The following INSYN2B variants were observed in gnomAD, a reference collection of about 807,000 sequenced individuals.
The protein encoded by INSYN2B is protein INSYN2B.
INSYN2B carries 16 observed loss-of-function variants against 41.2 expected under a neutral mutation model. The observed-to-expected ratio is 0.39, with a 90% CI of 0.26 to 0.59. The LOEUF (loss-of-function observed/expected upper bound fraction) is 0.59, where lower values mean the gene tolerates loss of function less well. Among genes scored for constraint, INSYN2B ranks in the 20% least tolerant of loss-of-function variants. The pLI is 0.57. For synonymous variants in INSYN2B, 245 were observed against 244.4 expected (o/e 1.00, Z -0.02); for missense variants, 608 against 646.4 (o/e 0.94, Z 0.64).
intron 1 of INSYN2B, among the ~76,000 whole-genome samples, chr5:169,935,636 T>C (rs577421089): frequency 1.4e-4 from 22 of 152,294 alleles, no homozygotes; most frequent in African/African-American, 5.1e-4. Context: ...AAGGTCTTCA[T>C]AGTGAGGTGG....
chr5:169,911,246 A>G (rs963046462), intron 1 of INSYN2B, among the ~76,000 whole-genome samples: 2 of 152,340 alleles, frequency 1.3e-5, no homozygotes, highest in Middle Eastern at 6.8e-3. Flanking sequence ...AAGGATGATC[A>G]TTATTAGAGT....
chr5:169,929,613 C>T (rs1775644773), intron 1 of INSYN2B, among the ~76,000 whole-genome samples: 1 of 151,928 alleles, frequency 6.6e-6, no homozygotes, highest in East Asian at 1.9e-4. Flanking sequence ...TGTGGTGGCA[C>T]ATGCCTGTAG....
rs979020225 is a variant in INSYN2B, at chr5:169,864,481, G to A, written c.1422-22C>T. 4.0e-6 allele frequency: 6 copies of A among 1,493,260 alleles called. No individual in the cohort carries two copies. In the South Asian group the frequency reaches 5.3e-5, roughly 13 times the overall value. 92.5% of individuals were successfully genotyped at this position (1,493,260 alleles called of 1,614,324 possible). The stretch of plus-strand genomic sequence containing the variant: ...TACACTGAAAAACACAGAGAGGAAG[G>A]AAGGAAAGTGAATTCGAATCAGCAC... On this transcript the variant is annotated intron_variant, in intron 3 of 3. Coordinates refer to ENST00000377365, the MANE Select transcript of INSYN2B (RefSeq NM_001129891.3).
At chr5:169,931,213 C>G (rs969683955) in intron 1 of INSYN2B, among the ~76,000 whole-genome samples, 1 of 152,226 alleles carries the variant, frequency 6.6e-6, no homozygotes, top group African/African-American at 2.4e-5. Flanking sequence ...AGGAAACCAT[C>G]TTACAAATAC....
chr5:169,970,888 G>A (rs1389815417), intron 1 of INSYN2B, among the ~76,000 whole-genome samples: 7 of 152,110 alleles, frequency 4.6e-5, no homozygotes, highest in Non-Finnish European at 8.8e-5. Flanking sequence ...TTAATTGAGT[G>A]TGGATCCGAA....
intron 1 of INSYN2B, among the ~76,000 whole-genome samples, chr5:169,889,150 A>G (rs1773143573): frequency 2.0e-5 from 3 of 152,184 alleles, no homozygotes; most frequent in Admixed American, 6.6e-5. Context: ...TGTATTATCT[A>G]ATTTGCCTTA....
At position 169,894,224 on chromosome 5, in the gene INSYN2B, C is replaced by A. The variant is rs185055716; in HGVS notation, c.-918-9408G>T. ...AGATGAGGGAACTGGTAGAGAGGTG[C>A]GAGATTTGCCCAAGATGAAGGTGGT... On this transcript the variant is annotated intron_variant, in intron 1 of 3. Transcript: ENST00000377365. Among the ~76,000 whole-genome samples the A allele has an allele frequency of 4.3e-3, 655 of 152,210 alleles. 7 individuals carry two copies. Among genetic ancestry groups the A allele is most frequent in the African/African-American group, 0.015 (615 of 41,518 alleles).
intron 1 of INSYN2B, among the ~76,000 whole-genome samples, chr5:169,934,092 T>C (rs1775880175): frequency 6.6e-6 from 1 of 152,198 alleles, no homozygotes; most frequent in Non-Finnish European, 1.5e-5. Flanking sequence ...GCACACCTCA[T>C]GTCTGTGGGA....
intron 1 of INSYN2B, among the ~76,000 whole-genome samples, chr5:169,899,386 T>G (rs956149727): frequency 2.6e-5 from 4 of 152,130 alleles, no homozygotes; most frequent in African/African-American, 9.7e-5. Context: ...AGAATCAGGT[T>G]CAATGAGACC....
At chr5:169,897,970 G>A (rs188011368) in intron 1 of INSYN2B, among the ~76,000 whole-genome samples, 1 of 152,318 alleles carries the variant, frequency 6.6e-6, no homozygotes, top group East Asian at 1.9e-4. Flanking sequence ...AGGCTAGCTA[G>A]AGCAATCAAA....
rs1026760749 is a variant in INSYN2B at position 169,883,697 on chromosome 5, T to A, written c.202A>T (p.Thr68Ser). 1 of 1,551,152 alleles carries A rather than the reference T, an allele frequency of 6.4e-7. No homozygotes were observed. Among genetic ancestry groups the A allele is most frequent in the Non-Finnish European group, 8.7e-7 (1 of 1,146,764 alleles). Residue 68 changes from threonine to serine, a missense_variant, in exon 2 of 4, where the codon ACT becomes TCT. Physicochemically the swap from Thr to Ser is moderately conservative, Grantham distance 58. Coordinates refer to ENST00000377365, the MANE Select transcript of INSYN2B (RefSeq NM_001129891.3). ...TPEDPAVMGKTQATRHHLPPT... is the reference protein window; with the variant it reads ...TPEDPAVMGKSQATRHHLPPT... ...GGAAGATGGTGCCTGGTTGCTTGAG[T>A]CTTCCCCATCACAGCCGGGTCTTCT...
At position 169,914,935 on chromosome 5, in the gene INSYN2B, A is replaced by G. The variant is rs570597696; in HGVS notation, c.-918-30119T>C. ...GTGCATTGCTGTGGCCTCTTCCCAC[A>G]GGCAGCGCCTGCCCAGAGCTGGCAG... On this transcript the variant is annotated intron_variant, in intron 1 of 3. Transcript: ENST00000377365. Among the ~76,000 whole-genome samples the G allele has an allele frequency of 2.0e-5, 3 of 152,348 alleles. No homozygotes were observed. In the South Asian group the frequency reaches 6.2e-4, roughly 32 times the overall value.
chr5:169,898,493 G>C (rs550218311), intron 1 of INSYN2B, among the ~76,000 whole-genome samples: 15 of 152,122 alleles, frequency 9.9e-5, no homozygotes, highest in African/African-American at 3.6e-4. Flanking sequence ...ACATGGGATT[G>C]ATAGGAGTAT....
intron 1 of INSYN2B, among the ~76,000 whole-genome samples, chr5:169,974,527 A>G (rs1777644085): frequency 3.3e-5 from 5 of 152,186 alleles, no homozygotes. Context: ...CAGAGACTTC[A>G]CATCCTGTTG....
At chr5:169,900,093 A>G (rs1412433835) in intron 1 of INSYN2B, among the ~76,000 whole-genome samples, 2 of 151,998 alleles carry the variant, frequency 1.3e-5, no homozygotes, top group Non-Finnish European at 2.9e-5. Context: ...TCTACTAAGC[A>G]CCCACTATGT....
intron 1 of INSYN2B, among the ~76,000 whole-genome samples, chr5:169,951,901 C>T (rs192618866): frequency 2.2e-4 from 33 of 152,290 alleles, no homozygotes; most frequent in Admixed American, 9.1e-4. Context: ...GAACCAGAGC[C>T]CCAGGCTCAC....
At chr5:169,879,427 T>C (rs1772511475) in intron 3 of INSYN2B, among the ~76,000 whole-genome samples, 1 of 152,230 alleles carries the variant, frequency 6.6e-6, no homozygotes, top group Non-Finnish European at 1.5e-5. Context: ...TTCAGATCTC[T>C]GCTTTCATCA....
intron 3 of INSYN2B, among the ~76,000 whole-genome samples, chr5:169,867,327 C>T (rs1401310400): frequency 6.6e-6 from 1 of 152,122 alleles, no homozygotes; most frequent in African/African-American, 2.4e-5. Context: ...GCTCCTGAGG[C>T]CTAACTCACC....
rs150934804 is a variant in INSYN2B, at chr5:169,978,392, TGGG to T, written c.-919+1882_-919+1884del. Among the ~76,000 whole-genome samples the T allele has an allele frequency of 1.3e-3, 30 of 22,746 alleles. 4 individuals carry two copies. The highest frequency in any genetic ancestry group is 3.8e-3 in the East Asian group (3 of 788). The allele number at this position is 22,746 out of a possible 152,430, so 14.9% of individuals were successfully genotyped here. On this transcript the variant is annotated intron_variant, in intron 1 of 3. Transcript: ENST00000377365. ...CTCTGTGTATGTGTGTGTGTGTGTG[TGGG>T]GGGGGGGGGGTGTAGGTGTGTTTGC...
Sources: allele counts gnomAD v4.1 joint callset (sites outside exome capture counted in the v4.1 genomes callset), GRCh38; gene constraint gnomAD v4.1.1; transcripts MANE v1.5; gene names NCBI Gene and HGNC (gene_info 2026-07-23, HGNC 2026-07-21).